Variants in RAP1GDS1 observed in about 807,000 individuals in gnomAD.
The protein encoded by RAP1GDS1 is Rap1 GTPase-GDP dissociation stimulator 1.
RAP1GDS1 carries 35 observed loss-of-function variants against 71.1 expected under a neutral mutation model. That is an observed-to-expected ratio of 0.49 (90% CI 0.38 to 0.65). The LOEUF is 0.65. RAP1GDS1 is among the 30% of genes least tolerant of loss of function. The probability of loss-of-function intolerance (pLI) is 0.00; values close to 1 mark genes in which losing one functional copy is unlikely to be tolerated. For missense variants in RAP1GDS1, 663 were observed against 706.1 expected (o/e 0.94, Z 0.69); for synonymous variants, 229 against 243.1 (o/e 0.94, Z 0.54).
intron 1 of RAP1GDS1, among the ~76,000 whole-genome samples, chr4:98,283,295 G>C (rs1219169995): frequency 6.6e-6 from 1 of 152,154 alleles, no homozygotes; most frequent in African/African-American, 2.4e-5. Context: ...AATAGTATGA[G>C]CTGATGATTT....
intron 12 of RAP1GDS1, among the ~76,000 whole-genome samples, chr4:98,421,863 C>T (rs1748910811): frequency 6.6e-6 from 1 of 152,180 alleles, no homozygotes; most frequent in Non-Finnish European, 1.5e-5. Flanking sequence ...AGTTCAGCAG[C>T]TGATTTAGTA....
intron 5 of RAP1GDS1, among the ~76,000 whole-genome samples, chr4:98,388,372 C>T (rs1483697361): frequency 1.3e-5 from 2 of 152,138 alleles, no homozygotes; most frequent in African/African-American, 4.8e-5. Flanking sequence ...CTGCTAAGCA[C>T]ATCATTGAAC....
At chr4:98,266,124 A>G (rs1722690533) in intron 1 of RAP1GDS1, among the ~76,000 whole-genome samples, 1 of 152,160 alleles carries the variant, frequency 6.6e-6, no homozygotes, top group African/African-American at 2.4e-5. Context: ...TACAAATTAA[A>G]AAAATTATTT....
Position 98,438,761 on chromosome 4 carries a change from A to G in RAP1GDS1, c.1696+1693A>G, listed in dbSNP as rs1179133878. Among the ~76,000 whole-genome samples the G allele has an allele frequency of 1.3e-4, 19 of 151,236 alleles. No individual in the cohort carries two copies. The Admixed American group carries it at 1.3e-3, about 10-fold the overall frequency. The stretch of plus-strand genomic sequence containing the variant: ...ATGCCTGCCACATCACACCTGGCTA[A>G]TTTTTGTATTTTTAGTACAGGCGGG... On this transcript the variant is annotated intron_variant, in intron 14 of 14. Transcript: ENST00000408927.
intron 7 of RAP1GDS1, among the ~76,000 whole-genome samples, chr4:98,404,989 C>T (rs1745921846): frequency 6.6e-6 from 1 of 152,110 alleles, no homozygotes; most frequent in Non-Finnish European, 1.5e-5. Context: ...GCAGAAAAAT[C>T]TTAAGAGATG....
At chr4:98,441,449 T>C (rs1038671795) in intron 14 of RAP1GDS1, 3 of 985,326 alleles carry the variant, frequency 3.0e-6, no homozygotes, top group South Asian at 4.7e-5. Flanking sequence ...TTGAAACATA[T>C]CCTAAGCTTT....
intron 12 of RAP1GDS1, among the ~76,000 whole-genome samples, chr4:98,432,586 C>G (rs762199956): frequency 2.6e-5 from 4 of 152,102 alleles, no homozygotes; most frequent in Non-Finnish European, 5.9e-5. Context: ...CAAGTTTGGG[C>G]TCAAAGCAAA....
rs370476272 is a variant in RAP1GDS1 at position 98,366,634 on chromosome 4, A to G, written c.362-12383A>G. ...GGCTTTGCCCAAAATGCTGATAGTG[A>G]TATGGACAATAAAGTGCAGGCTGAG... On this transcript the variant is annotated intron_variant, in intron 4 of 14. Transcript: ENST00000408927. Among the ~76,000 whole-genome samples, 27 of 152,290 alleles carry G rather than the reference A, an allele frequency of 1.8e-4. 1 individual carries two copies. The highest frequency in any genetic ancestry group is 4.8e-4 in the African/African-American group (20 of 41,578).
chr4:98,431,205 C>G (rs1187130965), intron 12 of RAP1GDS1, among the ~76,000 whole-genome samples: 1 of 152,162 alleles, frequency 6.6e-6, no homozygotes, highest in Non-Finnish European at 1.5e-5. Flanking sequence ...ATTCATCCAA[C>G]AAACATTTAT....
In RAP1GDS1 at chr4:98,392,032, G is replaced by C. The variant is rs772815218; in HGVS notation, c.589G>C (p.Ala197Pro). 6.2e-7 allele frequency: 1 copy of C among 1,612,680 alleles called. No individual in the cohort carries two copies. Among genetic ancestry groups the C allele is most frequent in the South Asian group, 1.1e-5 (1 of 90,998 alleles). ...KLLGIHCQNA[A>P]LTEMCLVAFG... ...ACTGGGCATCCACTGCCAAAATGCA[G>C]CTCTTACAGAAATGTGTCTTGTTGC... is the stretch of plus-strand genomic sequence containing the variant. The change falls in exon 6 of 15, where the codon GCT (alanine) becomes CCT (proline). Residue 197 changes from alanine (A) to proline (P), a missense_variant. By Grantham distance (27) the Ala-to-Pro change is conservative (BLOSUM62 -1). Transcript: ENST00000408927.
intron 2 of RAP1GDS1, among the ~76,000 whole-genome samples, chr4:98,326,182 C>T (rs1733051223): frequency 6.6e-6 from 1 of 152,118 alleles, no homozygotes; most frequent in Non-Finnish European, 1.5e-5. Context: ...TTCCCTCTTC[C>T]AAACATATGC....
chr4:98,372,741 G>T (rs1321743113), intron 4 of RAP1GDS1, among the ~76,000 whole-genome samples: 1 of 152,058 alleles, frequency 6.6e-6, no homozygotes, highest in Non-Finnish European at 1.5e-5. Flanking sequence ...CTGGTGTGTA[G>T]TAGTGCAATC....
intron 4 of RAP1GDS1, among the ~76,000 whole-genome samples, chr4:98,352,819 A>G (rs1737407985): frequency 6.6e-6 from 1 of 152,198 alleles, no homozygotes; most frequent in Non-Finnish European, 1.5e-5. Flanking sequence ...TGTTATCACA[A>G]ATGATATTTT....
chr4:98,354,012 T>A (rs1427075956), intron 4 of RAP1GDS1, among the ~76,000 whole-genome samples: 1 of 152,048 alleles, frequency 6.6e-6, no homozygotes, highest in African/African-American at 2.4e-5. Flanking sequence ...TTATTCTTAC[T>A]TTTCTGTGTT....
intron 2 of RAP1GDS1, among the ~76,000 whole-genome samples, chr4:98,327,846 A>C (rs1222822244): frequency 6.6e-6 from 1 of 152,164 alleles, no homozygotes; most frequent in Non-Finnish European, 1.5e-5. Flanking sequence ...GACCATCATT[A>C]AGTTTAATTT....
chr4:98,277,010 G>A (rs1054598773), intron 1 of RAP1GDS1, among the ~76,000 whole-genome samples: 2 of 152,242 alleles, frequency 1.3e-5, no homozygotes, highest in Middle Eastern at 3.4e-3. Context: ...CATGCCTTTA[G>A]TTAGGGGCAG....
intron 1 of RAP1GDS1, among the ~76,000 whole-genome samples, chr4:98,284,853 C>T (rs574876): frequency 3.3e-5 from 5 of 152,198 alleles, no homozygotes; most frequent in Admixed American, 2.6e-4. Flanking sequence ...GTCAGAAATC[C>T]TAGTCTTTGA....
chr4:98,431,036 C>G (rs1327459399), intron 12 of RAP1GDS1, among the ~76,000 whole-genome samples: 1 of 152,086 alleles, frequency 6.6e-6, no homozygotes, highest in Non-Finnish European at 1.5e-5. Context: ...TTATAGACAT[C>G]AAAAATGTAA....
chr4:98,287,501 A>C (rs905754846), intron 1 of RAP1GDS1, among the ~76,000 whole-genome samples: 2 of 152,156 alleles, frequency 1.3e-5, no homozygotes, highest in Non-Finnish European at 2.9e-5. Context: ...GTGAATAGGC[A>C]CAGAGTTACA....
Sources: allele counts gnomAD v4.1 joint callset (sites outside exome capture counted in the v4.1 genomes callset), GRCh38; gene constraint gnomAD v4.1.1; transcripts MANE v1.5; gene names NCBI Gene and HGNC (gene_info 2026-07-23, HGNC 2026-07-21).